FAM83B: variants seen among roughly 807,000 people sequenced by gnomAD.
The protein encoded by FAM83B is protein FAM83B.
FAM83B carries 26 observed loss-of-function variants against 38.8 expected under a neutral mutation model. The ratio of observed to expected loss-of-function variants is 0.67; its 90% confidence interval spans 0.49 to 0.93. FAM83B has a LOEUF of 0.93. FAM83B is among the 40% of genes least tolerant of loss of function. The pLI is 0.00. For synonymous variants in FAM83B, 419 were observed against 423.1 expected, an observed-to-expected ratio of 0.99 and a Z score of 0.12; for missense variants, 1,237 against 1,197.3, an observed-to-expected ratio of 1.03 and a Z score of -0.49.
At position 54,941,408 on chromosome 6, in the gene FAM83B, G is replaced by A. The variant is rs985651777; in HGVS notation, c.2437G>A (p.Glu813Lys). 6.2e-7 allele frequency: 1 copy of A among 1,612,806 alleles called. No homozygotes were observed. Among genetic ancestry groups the A allele is most frequent in the Non-Finnish European group, 8.5e-7 (1 of 1,179,780 alleles). The change falls in exon 5 of 5, where the codon GAA becomes AAA. Residue 813 changes from glutamate (E) to lysine (K), a missense_variant. Physicochemically the swap from Glu to Lys is moderately conservative, Grantham distance 56. Coordinates refer to ENST00000306858, the MANE Select transcript of FAM83B (RefSeq NM_001010872.3). ...SSDTLVSEGE[E>K]NQKPKKSDTK... ...TGACACATTAGTTTCTGAGGGTGAA[G>A]AAAATCAAAAACCAAAGAAATCAGA...
intron 1 of FAM83B, among the ~76,000 whole-genome samples, chr6:54,868,967 T>C (rs1431924834): frequency 1.3e-5 from 2 of 152,292 alleles, no homozygotes; most frequent in East Asian, 1.9e-4. Flanking sequence ...TTATAGCACA[T>C]CATAAATCTG....
intron 1 of FAM83B, among the ~76,000 whole-genome samples, chr6:54,866,194 G>A (rs1489968140): frequency 1.3e-5 from 2 of 149,860 alleles, no homozygotes; most frequent in African/African-American, 5.0e-5. Context: ...TATCTTGTGT[G>A]CTATAGGTTT....
chr6:54,884,918 G>A (rs529947696), intron 2 of FAM83B, among the ~76,000 whole-genome samples: 111 of 151,940 alleles, frequency 7.3e-4, no homozygotes, highest in South Asian at 1.2e-3. Context: ...GACTACAGGC[G>A]CCCGCCACCA....
intron 4 of FAM83B, among the ~76,000 whole-genome samples, chr6:54,934,783 AG>A (rs1773494178): frequency 1.3e-5 from 2 of 152,098 alleles, no homozygotes; most frequent in African/African-American, 4.8e-5. Flanking sequence ...GCTCTATATG[AG>A]ACTTTCAATC....
intron 2 of FAM83B, among the ~76,000 whole-genome samples, chr6:54,887,499 T>G (rs1214463769): frequency 6.6e-6 from 1 of 152,200 alleles, no homozygotes; most frequent in Admixed American, 6.5e-5. Context: ...AATTCTTGTA[T>G]AGTCCTCCTT....
At position 54,944,126 on chromosome 6, in the gene FAM83B, C is replaced by T. The variant is rs140963184; in HGVS notation, c.*2119C>T. ...ATATTTGAGAATATGTACATAACAA[C>T]TTTCCAAAGTCTCTGTGGCCAAAAC... On this transcript the variant is annotated 3_prime_UTR_variant, in exon 5 of 5. Transcript: ENST00000306858. 35 of 152,220 alleles carry T rather than the reference C, an allele frequency of 2.3e-4. No homozygotes were observed. The highest frequency in any genetic ancestry group is 7.7e-4 in the African/African-American group (32 of 41,548). 9.4% of individuals were successfully genotyped at this position (152,220 alleles called of 1,614,324 possible).
At chr6:54,907,507 A>T (rs1041791770) in intron 2 of FAM83B, among the ~76,000 whole-genome samples, 32 of 152,118 alleles carry the variant, frequency 2.1e-4, no homozygotes, top group African/African-American at 7.7e-4. Flanking sequence ...CTTGATCTTT[A>T]CTTTCAATTT....
chr6:54,847,289 A>G (rs1771163545), intron 1 of FAM83B, among the ~76,000 whole-genome samples: 1 of 151,888 alleles, frequency 6.6e-6, no homozygotes, highest in African/African-American at 2.4e-5. Flanking sequence ...GGTTCCGGGA[A>G]AAGGTGGGAG....
chr6:54,926,571 A>G, intron 3 of FAM83B, 36 bp downstream of exon 3: 2 of 1,474,346 alleles, frequency 1.4e-6, no homozygotes, highest in Non-Finnish European at 1.8e-6. Flanking sequence ...CAAGTATTTT[A>G]TGTGTCATTT....
rs781408451 is a variant in FAM83B at position 54,941,544 on chromosome 6, A to G, written c.2573A>G (p.Asn858Ser). The G allele has an allele frequency of 6.2e-7, 1 of 1,614,106 alleles. No individual in the cohort carries two copies. The highest frequency in any genetic ancestry group is 8.5e-7 in the Non-Finnish European group (1 of 1,180,002). ...DVTVSPSQEI[N>S]APPDENKRTP... ...ACAGTTAGCCCATCTCAAGAGATAAATGCTCCACCAGATGAAAATAAAAGA... is the reference window on the plus strand; with the variant it reads ...ACAGTTAGCCCATCTCAAGAGATAAGTGCTCCACCAGATGAAAATAAAAGA... The change falls in exon 5 of 5, where the codon AAT becomes AGT. Residue 858 changes from asparagine to serine, a missense_variant. Physicochemically the swap from Asn to Ser is conservative, Grantham distance 46 (BLOSUM62 1). Coordinates refer to ENST00000306858, the MANE Select transcript of FAM83B (RefSeq NM_001010872.3).
At chr6:54,924,893 A>G (rs965502034) in intron 2 of FAM83B, among the ~76,000 whole-genome samples, 15 of 152,200 alleles carry the variant, frequency 9.9e-5, no homozygotes, top group Middle Eastern at 6.8e-3. Flanking sequence ...TTTAAAGCCT[A>G]TTCTTAACAC....
chr6:54,885,051 C>T lies in FAM83B; in HGVS notation c.444+14361C>T, dbSNP rs141551278. On this transcript the variant is annotated intron_variant, in intron 2 of 4. Transcript: ENST00000306858. ...CCTCCCAAAGTGCTGGGATTACAGG[C>T]GTGAGCCACTGCGCCCGGCCCAGTA... Among the ~76,000 whole-genome samples the T allele has an allele frequency of 6.6e-3, 1,008 of 152,202 alleles. 14 individuals are homozygous for T. The highest frequency in any genetic ancestry group is 0.023 in the African/African-American group (971 of 41,522).
At chr6:54,899,657 G>A (rs1449699602) in intron 2 of FAM83B, among the ~76,000 whole-genome samples, 1 of 152,098 alleles carries the variant, frequency 6.6e-6, no homozygotes, top group Non-Finnish European at 1.5e-5. Context: ...ATGAGAGAAG[G>A]GGCGGGGAGC....
Position 54,941,704 on chromosome 6 carries a change from A to T in FAM83B, c.2733A>T (p.Arg911Ser). ...EINAVVTPER[R>S]PTSSPRPTSS... ...ATGCAGTTGTTACCCCTGAAAGAAG[A>T]CCTACTTCTTCTCCAAGGCCAACGT... is the stretch of plus-strand genomic sequence containing the variant. Residue 911 changes from arginine (R) to serine (S), a missense_variant, in exon 5 of 5, where the codon AGA (arginine) becomes AGT (serine). By Grantham distance (110) the Arg-to-Ser change is moderately radical. Transcript: ENST00000306858. 6.2e-7 allele frequency: 1 copy of T among 1,614,060 alleles called. No homozygotes were observed. The highest frequency in any genetic ancestry group is 8.5e-7 in the Non-Finnish European group (1 of 1,179,974).
intron 2 of FAM83B, among the ~76,000 whole-genome samples, chr6:54,911,855 A>T (rs1772914582): frequency 6.6e-6 from 1 of 152,132 alleles, no homozygotes; most frequent in Non-Finnish European, 1.5e-5. Context: ...CAATAGATAC[A>T]TCTTTTTAAT....
At chr6:54,896,578 A>G (rs1367515820) in intron 2 of FAM83B, among the ~76,000 whole-genome samples, 1 of 152,222 alleles carries the variant, frequency 6.6e-6, no homozygotes, top group Non-Finnish European at 1.5e-5. Context: ...GAAAACAAGA[A>G]AGAGAAATAC....
intron 1 of FAM83B, among the ~76,000 whole-genome samples, chr6:54,849,570 A>C (rs941754713): frequency 6.6e-6 from 1 of 151,814 alleles, no homozygotes; most frequent in African/African-American, 2.4e-5. Context: ...TGCTGTAAGG[A>C]AGGTGAGCCT....
intron 2 of FAM83B, among the ~76,000 whole-genome samples, chr6:54,881,349 T>C (rs538882569): frequency 6.6e-6 from 1 of 152,326 alleles, no homozygotes; most frequent in Non-Finnish European, 1.5e-5. Flanking sequence ...TGTTTCTGTG[T>C]AATCATCAGT....
intron 4 of FAM83B, 28 bp downstream of exon 4, chr6:54,927,660 T>C (rs1259090049): frequency 2.0e-6 from 3 of 1,473,770 alleles, no homozygotes; most frequent in Non-Finnish European, 2.7e-6. Flanking sequence ...AACTTCAGTG[T>C]TATCAATCGT....
Sources: allele counts gnomAD v4.1 joint callset (sites outside exome capture counted in the v4.1 genomes callset), GRCh38; gene constraint gnomAD v4.1.1; transcripts MANE v1.5; gene names NCBI Gene and HGNC (gene_info 2026-07-23, HGNC 2026-07-21).